NRXN3: variants seen among roughly 807,000 people sequenced by gnomAD.
The protein encoded by NRXN3 is neurexin III.
In NRXN3, 32 loss-of-function variants were observed where a neutral mutation model predicts 137.6. The observed-to-expected ratio is 0.23, with a 90% CI of 0.18 to 0.31. The LOEUF is 0.31. Among genes scored for constraint, NRXN3 ranks in the 10% least tolerant of loss-of-function variants. The pLI is 1.00. For missense variants in NRXN3, 1,574 were observed against 2,062.5 expected, an observed-to-expected ratio of 0.76 and a Z score of 4.59; for synonymous variants, 798 against 784.5, an observed-to-expected ratio of 1.02 and a Z score of -0.29.
At position 79,226,282 on chromosome 14, in the gene NRXN3, C is replaced by T. The variant is rs181415118; in HGVS notation, c.3262+238141C>T. On this transcript the variant is annotated intron_variant, in intron 15 of 20. Transcript: ENST00000335750. The stretch of plus-strand genomic sequence containing the variant: ...AAAGTCAAGCTGCCTATAATATGTG[C>T]AATATATTTATTCTTTTATAAACTT... Among the ~76,000 whole-genome samples, 208 of 152,166 alleles carry T rather than the reference C, an allele frequency of 1.4e-3. 1 individual carries two copies. The highest frequency in any genetic ancestry group is 4.8e-3 in the African/African-American group (201 of 41,528).
At chr14:78,289,882 C>G (rs2075621697) in intron 3 of NRXN3, among the ~76,000 whole-genome samples, 1 of 152,148 alleles carries the variant, frequency 6.6e-6, no homozygotes, top group Non-Finnish European at 1.5e-5. Flanking sequence ...CCACTGCACT[C>G]CAGCCTGGCA....
intron 19 of NRXN3, among the ~76,000 whole-genome samples, chr14:79,716,169 A>T (rs988030108): frequency 6.6e-6 from 1 of 152,154 alleles, no homozygotes; most frequent in African/African-American, 2.4e-5. Context: ...TCTGAACCCT[A>T]CCTCTGTGCT....
In NRXN3 at chr14:79,544,889, G is replaced by A. The variant is rs368164180; in HGVS notation, c.3444+77487G>A. 3.4e-4 allele frequency among the ~76,000 whole-genome samples: 51 copies of A among 152,192 alleles called. 1 individual carries two copies. The highest frequency in any genetic ancestry group is 5.0e-4 in the Non-Finnish European group (34 of 68,036). ...AAACAAGCCCTCCAAGTGATTTAAT[G>A]CATGCCAAATACTAAGAATCACTGT... On this transcript the variant is annotated intron_variant, in intron 16 of 20. Coordinates refer to ENST00000335750, the MANE Select transcript of NRXN3 (RefSeq NM_001330195.2).
intron 19 of NRXN3, among the ~76,000 whole-genome samples, chr14:79,746,133 C>G (rs1040793749): frequency 4.6e-5 from 7 of 152,088 alleles, no homozygotes; most frequent in Non-Finnish European, 8.8e-5. Flanking sequence ...AGTCTAGATC[C>G]CAATCCATGG....
At position 79,075,334 on chromosome 14, in the gene NRXN3, G is replaced by A. The variant is rs566219100; in HGVS notation, c.3262+87193G>A. Among the ~76,000 whole-genome samples the A allele has an allele frequency of 5.9e-5, 9 of 152,286 alleles. No homozygotes were observed. The East Asian group carries it at 1.7e-3, about 29-fold the overall frequency. The stretch of plus-strand genomic sequence containing the variant: ...AGTCCCTGATAAGAACTTGAGTTTT[G>A]ATGCACACATTATTGCATTTTAGAG... On this transcript the variant is annotated intron_variant, in intron 15 of 20. Transcript: ENST00000335750.
At chr14:79,359,845 A>G (rs1284396448) in intron 15 of NRXN3, among the ~76,000 whole-genome samples, 1 of 151,966 alleles carries the variant, frequency 6.6e-6, no homozygotes, top group Non-Finnish European at 1.5e-5. Flanking sequence ...AAGGACAGTC[A>G]CCCCCACTAT....
At chr14:78,585,911 A>C (rs1043127986) in intron 4 of NRXN3, among the ~76,000 whole-genome samples, 1 of 152,180 alleles carries the variant, frequency 6.6e-6, no homozygotes, top group Non-Finnish European at 1.5e-5. Context: ...TATGGATTTG[A>C]GAATCATTAG....
chr14:78,456,423 G>T (rs1032623608), intron 4 of NRXN3, among the ~76,000 whole-genome samples: 10 of 152,200 alleles, frequency 6.6e-5, no homozygotes, highest in African/African-American at 2.4e-4. Context: ...GGTATGTAAA[G>T]GGTTTTCTGC....
intron 1 of NRXN3, among the ~76,000 whole-genome samples, chr14:78,211,505 A>G (rs766998879): frequency 2.0e-5 from 3 of 152,240 alleles, no homozygotes; most frequent in Non-Finnish European, 4.4e-5. Flanking sequence ...CCTCTCAGGC[A>G]GCTGAGCCTT....
intron 15 of NRXN3, among the ~76,000 whole-genome samples, chr14:79,006,998 C>G (rs186429059): frequency 6.6e-6 from 1 of 152,140 alleles, no homozygotes; most frequent in South Asian, 2.1e-4. Context: ...TTATTTTCTG[C>G]GTCAATTTGA....
intron 1 of NRXN3, among the ~76,000 whole-genome samples, chr14:78,196,734 T>C (rs1237357523): frequency 3.9e-5 from 6 of 152,162 alleles, no homozygotes; most frequent in Non-Finnish European, 8.8e-5. Context: ...CAAATAGGGA[T>C]GAAGATATAA....
chr14:78,646,147 A>T (rs2152580294), intron 5 of NRXN3, among the ~76,000 whole-genome samples: 1 of 152,232 alleles, frequency 6.6e-6, no homozygotes. Flanking sequence ...CGTGCTTGGG[A>T]ACTCCCATCG....
At chr14:78,422,013 A>C (rs1354274605) in intron 4 of NRXN3, among the ~76,000 whole-genome samples, 2 of 152,210 alleles carry the variant, frequency 1.3e-5, no homozygotes, top group African/African-American at 4.8e-5. Flanking sequence ...TAGTTGGCTC[A>C]TGGAGGATAA....
chr14:78,592,806 C>T (rs1002750937), intron 4 of NRXN3, among the ~76,000 whole-genome samples: 4 of 152,142 alleles, frequency 2.6e-5, no homozygotes, highest in Admixed American at 1.3e-4. Flanking sequence ...ACTGGGGACT[C>T]GATAACTAAA....
chr14:79,224,979 G>A (rs2070552891), intron 15 of NRXN3, among the ~76,000 whole-genome samples: 1 of 152,104 alleles, frequency 6.6e-6, no homozygotes, highest in African/African-American at 2.4e-5. Context: ...CTTTGTTACA[G>A]CCGCCCTAGG....
rs377047951 is a variant in NRXN3, at chr14:78,172,449, A to G, written c.-704+1775A>G. 3.3e-5 allele frequency among the ~76,000 whole-genome samples: 5 copies of G among 152,166 alleles called. No homozygotes were observed. In the South Asian group the frequency reaches 6.2e-4, roughly 19 times the overall value. ...TGGCGGAAGGATGGAGGGGAGTGAGAGGAGGCAAGGCTGGTATTTATTTTT... is the reference window on the plus strand; with the variant it reads ...TGGCGGAAGGATGGAGGGGAGTGAGGGGAGGCAAGGCTGGTATTTATTTTT... On this transcript the variant is annotated intron_variant, in intron 1 of 20. Transcript: ENST00000335750.
At chr14:79,770,802 C>A (rs1386630065) in intron 19 of NRXN3, among the ~76,000 whole-genome samples, 3 of 151,364 alleles carry the variant, frequency 2.0e-5, no homozygotes, top group Non-Finnish European at 4.4e-5. Flanking sequence ...AATAGAGACA[C>A]AAAAAACCCT....
intron 4 of NRXN3, among the ~76,000 whole-genome samples, chr14:78,351,665 T>C (rs986018874): frequency 6.6e-6 from 1 of 152,148 alleles, no homozygotes; most frequent in Admixed American, 6.6e-5. Flanking sequence ...TTTGTCATTA[T>C]TTTTCCTAGA....
At chr14:78,376,161 C>T (rs2087807609) in intron 4 of NRXN3, among the ~76,000 whole-genome samples, 1 of 152,024 alleles carries the variant, frequency 6.6e-6, no homozygotes, top group Non-Finnish European at 1.5e-5. Flanking sequence ...CATGTTTAGC[C>T]AGGGAGGCAT....
Sources: allele counts gnomAD v4.1 joint callset (sites outside exome capture counted in the v4.1 genomes callset), GRCh38; gene constraint gnomAD v4.1.1; transcripts MANE v1.5; gene names NCBI Gene and HGNC (gene_info 2026-07-23, HGNC 2026-07-21).